STXBP5: variants seen among roughly 807,000 people sequenced by gnomAD.
STXBP5 encodes syntaxin-binding protein 5.
A neutral mutation model predicts 152.4 loss-of-function variants in STXBP5; 50 were observed. That is an observed-to-expected ratio of 0.33 (90% CI 0.26 to 0.42). The LOEUF (loss-of-function observed/expected upper bound fraction) is 0.42, where lower values mean the gene tolerates loss of function less well. Among genes scored for constraint, STXBP5 ranks in the 10% least tolerant of loss-of-function variants. The pLI, the probability that STXBP5 is intolerant of heterozygous loss-of-function variation, is 1.00. For synonymous variants in STXBP5, 492 were observed against 494.7 expected, an observed-to-expected ratio of 0.99 and a Z score of 0.07; for missense variants, 1,167 against 1,388.6, an observed-to-expected ratio of 0.84 and a Z score of 2.54.
chr6:147,367,693 GA>G (rs1238228901), intron 25 of STXBP5, among the ~76,000 whole-genome samples: 5 of 150,606 alleles, frequency 3.3e-5, no homozygotes, highest in Admixed American at 6.6e-5. Flanking sequence ...GTAAACACAA[GA>G]AAAAAAATAA....
In STXBP5 at chr6:147,359,239, C is replaced by T. The variant is rs754648369; in HGVS notation, c.2461C>T (p.Leu821=). 3 of 1,614,078 alleles carry T rather than the reference C, an allele frequency of 1.9e-6. No individual in the cohort carries two copies. In the South Asian group the frequency reaches 3.3e-5, roughly 18 times the overall value. Residue 821 remains leucine (L), a synonymous_variant, in exon 23 of 28, where the codon CTA becomes TTA. Transcript: ENST00000321680. Reference sequence around the variant, plus strand: ...CCCTTGTCTATGGGTTGGAACAACGCTAGGAACAGTGCTTGTCATTGCACT... The same window carrying T: ...CCCTTGTCTATGGGTTGGAACAACGTTAGGAACAGTGCTTGTCATTGCACT... ...PSPCLWVGTT[L]GTVLVIALNL...
At chr6:147,336,448 A>G (rs896764546) in intron 19 of STXBP5, among the ~76,000 whole-genome samples, 1 of 151,778 alleles carries the variant, frequency 6.6e-6, no homozygotes. Flanking sequence ...ATAAAGAAAT[A>G]ATTTATTATT....
chr6:147,322,160 A>G (rs1408547232), intron 16 of STXBP5, among the ~76,000 whole-genome samples: 3 of 152,166 alleles, frequency 2.0e-5, no homozygotes, highest in African/African-American at 7.2e-5. Context: ...CCTTGACCCT[A>G]ACCTTCTATA....
chr6:147,252,851 C>A (rs764920297), intron 4 of STXBP5, among the ~76,000 whole-genome samples: 1 of 152,116 alleles, frequency 6.6e-6, no homozygotes, highest in Admixed American at 6.5e-5. Flanking sequence ...CAGGACCAAA[C>A]GGATTCACAG....
At chr6:147,269,441 G>A (rs1427567408) in intron 7 of STXBP5, among the ~76,000 whole-genome samples, 4 of 152,044 alleles carry the variant, frequency 2.6e-5, no homozygotes, top group Non-Finnish European at 4.4e-5. Context: ...ATAGTAGCCC[G>A]ATATAAATTT....
Position 147,339,075 on chromosome 6 carries a change from G to A in STXBP5, c.2147-104G>A. 5.3e-6 allele frequency: 5 copies of A among 951,060 alleles called. No homozygotes were observed. In the South Asian group the frequency reaches 8.0e-5, roughly 15 times the overall value. 58.9% of individuals were successfully genotyped at this position (951,060 alleles called of 1,614,324 possible). A position where few individuals can be genotyped will look rare whatever the true frequency, so the allele number is the denominator to read the frequency against. On this transcript the variant is annotated intron_variant, in intron 19 of 27. Coordinates refer to ENST00000321680, the MANE Select transcript of STXBP5 (RefSeq NM_001127715.4). ...CTTGTGGTCACTAACATGATAACTT[G>A]TTTTGAAAGTTACCAGATTTTTTAT...
chr6:147,211,828 G>T (rs1366951095), intron 2 of STXBP5, among the ~76,000 whole-genome samples: 3 of 152,102 alleles, frequency 2.0e-5, no homozygotes, highest in East Asian at 3.9e-4. Flanking sequence ...CTCCCAAAAC[G>T]CTGAGATTAC....
intron 2 of STXBP5, among the ~76,000 whole-genome samples, chr6:147,225,136 C>T (rs1432695113): frequency 6.6e-6 from 1 of 152,098 alleles, no homozygotes; most frequent in East Asian, 1.9e-4. Flanking sequence ...AAATTGTGCT[C>T]TTGGGTTTAC....
chr6:147,278,395 G>A (rs907150107), intron 8 of STXBP5, among the ~76,000 whole-genome samples, 191 bp downstream of exon 8: 5 of 152,204 alleles, frequency 3.3e-5, no homozygotes, highest in Non-Finnish European at 7.4e-5. Context: ...TTCAAATTAA[G>A]CATATTTACA....
chr6:147,298,884 T>A (rs1230362789), intron 9 of STXBP5, among the ~76,000 whole-genome samples: 1 of 151,576 alleles, frequency 6.6e-6, no homozygotes, highest in East Asian at 1.9e-4. Context: ...AGCACAATAA[T>A]CTCAAATAGA....
rs1185710942 is a variant in STXBP5, at chr6:147,387,473, T to C, written c.*2718T>C. The C allele has an allele frequency of 6.6e-6, 1 of 151,812 alleles. No individual in the cohort carries two copies. The highest frequency in any genetic ancestry group is 1.5e-5 in the Non-Finnish European group (1 of 67,774). The allele number at this position is 151,812 out of a possible 1,614,324, so 9.4% of individuals were successfully genotyped here. A position where few individuals can be genotyped will look rare whatever the true frequency, so the allele number is the denominator to read the frequency against. On this transcript the variant is annotated 3_prime_UTR_variant, in exon 28 of 28. Coordinates refer to ENST00000321680, the MANE Select transcript of STXBP5 (RefSeq NM_001127715.4). ...AAGTAGGAAGTGGTTTTTCTGTATGTACCATATATCCAGTTCATTTCAGTT... is the reference window on the plus strand; with the variant it reads ...AAGTAGGAAGTGGTTTTTCTGTATGCACCATATATCCAGTTCATTTCAGTT...
intron 19 of STXBP5, among the ~76,000 whole-genome samples, chr6:147,338,478 T>C (rs1299679006): frequency 1.3e-5 from 2 of 151,754 alleles, no homozygotes; most frequent in African/African-American, 4.8e-5. Context: ...ATAAAAGATA[T>C]GTTATAAATT....
rs577485140 is a variant in STXBP5, at chr6:147,350,234, T to A, written c.2255-3089T>A. On this transcript the variant is annotated intron_variant, in intron 21 of 27. Coordinates refer to ENST00000321680, the MANE Select transcript of STXBP5 (RefSeq NM_001127715.4). The stretch of plus-strand genomic sequence containing the variant: ...TTTTTACATAATAAATTTAAAATAG[T>A]ACTAGAAAAAAACTTTTATTCTATG... 9.2e-5 allele frequency among the ~76,000 whole-genome samples: 14 copies of A among 152,232 alleles called. No individual in the cohort carries two copies. In the South Asian group the frequency reaches 2.9e-3, roughly 32 times the overall value.
At chr6:147,235,436 AAAATT>A (rs751020913) in intron 3 of STXBP5, 105 bp downstream of exon 3, 537 of 859,108 alleles carry the variant, frequency 6.3e-4, no homozygotes, top group Non-Finnish European at 8.8e-4. Context: ...TATTTGAACA[AAAATT>A]AATTTATAAT....
intron 4 of STXBP5, among the ~76,000 whole-genome samples, chr6:147,255,599 G>GTCCTCCTGCCTCAGCTCAAGCAA (rs1779319894): frequency 6.6e-6 from 1 of 152,124 alleles, no homozygotes; most frequent in Non-Finnish European, 1.5e-5. Flanking sequence ...GGCTCAAGCA[G>GTCCTCCTGCCTCAGCTCAAGCAA]TCCTCCTGCC....
rs796188471 is a variant in STXBP5, at chr6:147,300,211, A to C, written c.917+9039A>C. ...ATGGATTGGAAGAATTAATATTGTT[A>C]AAATGTCCACACTAACCAAAATGAG... On this transcript the variant is annotated intron_variant, in intron 9 of 27. Transcript: ENST00000321680. Among the ~76,000 whole-genome samples the C allele has an allele frequency of 3.9e-5, 6 of 152,248 alleles. 1 individual carries two copies. The highest frequency in any genetic ancestry group is 1.4e-4 in the African/African-American group (6 of 41,588).
At chr6:147,345,613 A>C (rs548079955) in intron 21 of STXBP5, among the ~76,000 whole-genome samples, 1 of 152,292 alleles carries the variant, frequency 6.6e-6, no homozygotes, top group Non-Finnish European at 1.5e-5. Context: ...CTTTTATGAC[A>C]GCTTCATCAG....
At chr6:147,241,426 A>G (rs1396740629) in intron 4 of STXBP5, among the ~76,000 whole-genome samples, 1 of 152,174 alleles carries the variant, frequency 6.6e-6, no homozygotes, top group African/African-American at 2.4e-5. Flanking sequence ...CGAAAAACCA[A>G]TATGTGTCAC....
At position 147,262,348 on chromosome 6, in the gene STXBP5, G is replaced by A. The variant is rs1337120783; in HGVS notation, c.625G>A (p.Gly209Arg). ...VHISDNPMDE[G>R]KLLIGFESGT... ...TATAAGTGATAATCCAATGGACGAG[G>A]GAAAGGTAGAATTTTTTGTAAAAAA... Residue 209 changes from glycine to arginine, a missense_variant, in exon 6 of 28, where the codon GGA becomes AGA. Physicochemically the swap from Gly to Arg is moderately radical, Grantham distance 125. This residue lies in a region of STXBP5 where 310 missense variants were observed against 346.1 expected (regional missense o/e 0.90). Transcript: ENST00000321680. The A allele has an allele frequency of 6.4e-7, 1 of 1,555,728 alleles. No homozygotes were observed. The highest frequency in any genetic ancestry group is 8.7e-7 in the Non-Finnish European group (1 of 1,155,044).
Sources: allele counts gnomAD v4.1 joint callset (sites outside exome capture counted in the v4.1 genomes callset), GRCh38; gene constraint gnomAD v4.1.1; regional missense constraint gnomAD v4.1.1; transcripts MANE v1.5; gene names NCBI Gene and HGNC (gene_info 2026-07-23, HGNC 2026-07-21).